CEP192: variants seen among roughly 807,000 people sequenced by gnomAD.
CEP192 encodes the protein centrosomal protein 192, also known as centrosomal protein of 192 kDa.
A neutral mutation model predicts 271.8 loss-of-function variants in CEP192; 151 were observed. That is an observed-to-expected ratio of 0.56 (90% CI 0.49 to 0.64). The LOEUF is 0.64. Among genes scored for constraint, CEP192 ranks in the 30% least tolerant of loss-of-function variants. The pLI is 0.00. For synonymous variants in CEP192, 995 were observed against 1,076.5 expected (o/e 0.92, Z 1.48); for missense variants, 2,910 against 3,020.5 (o/e 0.96, Z 0.86).
Position 13,100,431 on chromosome 18 carries a change from A to G in CEP192, c.6790A>G (p.Met2264Val), listed in dbSNP as rs759379799. The G allele has an allele frequency of 3.4e-5, 55 of 1,614,162 alleles. 1 individual carries two copies. In the South Asian group the frequency reaches 4.7e-4, roughly 14 times the overall value. ...EPSVSHLVKP[M>V]TKPPSTKVEI... ...TTCAGTTAGTCATTTGGTCAAACCA[A>G]TGACAAAACCGCCTTCCACAAAAGT... The change falls in exon 38 of 45, where the codon ATG (methionine) becomes GTG (valine). Residue 2264 changes from methionine (M) to valine (V), a missense_variant. By Grantham distance (21) the Met-to-Val change is conservative. Coordinates refer to ENST00000506447, the MANE Select transcript of CEP192 (RefSeq NM_032142.4).
In CEP192 at chr18:13,057,733, G is replaced by A. The variant is rs532777253; in HGVS notation, c.4257G>A (p.Lys1419=). 6.2e-7 allele frequency: 1 copy of A among 1,612,132 alleles called. No homozygotes were observed. Among genetic ancestry groups the A allele is most frequent in the African/African-American group, 1.3e-5 (1 of 74,912 alleles). The part of the protein sequence containing the change: ...GVLSISVNGE[K]VDLSTYRCLV... ...TCAGCATTAGTGTTAATGGTGAAAAGGTAGCTTTCTATGTCTTTCTCATTT... is the reference window on the plus strand; with the variant it reads ...TCAGCATTAGTGTTAATGGTGAAAAAGTAGCTTTCTATGTCTTTCTCATTT... Residue 1419 remains lysine, a splice_region_variant and synonymous_variant, in exon 20 of 45, where the codon AAG becomes AAA. Coordinates refer to ENST00000506447, the MANE Select transcript of CEP192 (RefSeq NM_032142.4).
rs1437906338 is a variant in CEP192, at chr18:13,049,144, C to T, written c.2353C>T (p.Leu785Phe). 2.5e-5 allele frequency: 40 copies of T among 1,613,532 alleles called. No individual in the cohort carries two copies. Among genetic ancestry groups the T allele is most frequent in the Non-Finnish European group, 3.4e-5 (40 of 1,179,906 alleles). Residue 785 changes from leucine to phenylalanine, a missense_variant, in exon 16 of 45, where the codon CTT (leucine) becomes TTT (phenylalanine). Physicochemically the swap from Leu to Phe is conservative, Grantham distance 22. Transcript: ENST00000506447. ...GSNALDMEKY[L>F]KKTEVSRYES... ...CAATGCACTTGATATGGAGAAATACCTTAAAAAAACAGAAGTTAGTAGATA... is the reference window on the plus strand; with the variant it reads ...CAATGCACTTGATATGGAGAAATACTTTAAAAAAACAGAAGTTAGTAGATA...
intron 10 of CEP192, 26 bp downstream of exon 10, chr18:13,030,028 G>T (rs1368497562): frequency 6.8e-7 from 1 of 1,463,648 alleles, no homozygotes; most frequent in Admixed American, 2.1e-5. Flanking sequence ...AAAAAATAGA[G>T]TGAAAGAAAT....
chr18:13,118,457 T>C (rs554618183), intron 44 of CEP192, among the ~76,000 whole-genome samples: 6 of 152,330 alleles, frequency 3.9e-5, no homozygotes, highest in Admixed American at 1.3e-4. Context: ...GATGGCTCGA[T>C]TGAGGACTGT....
intron 3 of CEP192, among the ~76,000 whole-genome samples, chr18:13,003,812 ACT>A (rs2033810990): frequency 6.6e-6 from 1 of 151,886 alleles, no homozygotes; most frequent in South Asian, 2.1e-4. Flanking sequence ...AAAAAGGCCC[ACT>A]CTCGCGGTTA....
At chr18:13,079,427 A>G (rs2144582353) in intron 30 of CEP192, among the ~76,000 whole-genome samples, 1 of 152,246 alleles carries the variant, frequency 6.6e-6, no homozygotes, top group South Asian at 2.1e-4. Flanking sequence ...TGGCTGCATA[A>G]ATGTCTTCTT....
rs183967341 is a variant in CEP192 at position 12,999,971 on chromosome 18, A to G, written c.164+383A>G. On this transcript the variant is annotated intron_variant, in intron 2 of 44. Coordinates refer to ENST00000506447, the MANE Select transcript of CEP192 (RefSeq NM_032142.4). ...GTTATAGGAGTACCTCTTGACATCA[A>G]GGGGAGGAGTGCAGAGCTTTGCTGC... Among the ~76,000 whole-genome samples the G allele has an allele frequency of 8.6e-4, 130 of 151,884 alleles. 1 individual carries two copies. Among genetic ancestry groups the G allele is most frequent in the African/African-American group, 2.8e-3 (118 of 41,452 alleles).
chr18:13,039,606 T>A (rs2036095368), intron 13 of CEP192, among the ~76,000 whole-genome samples: 1 of 152,144 alleles, frequency 6.6e-6, no homozygotes, highest in African/African-American at 2.4e-5. Flanking sequence ...AGAGCTGCTC[T>A]GAGGAGCAGG....
chr18:13,124,474 C>T (rs2040814465), intron 44 of CEP192, 158 bp from the exon 45 acceptor site: 1 of 591,126 alleles, frequency 1.7e-6, no homozygotes, highest in Non-Finnish European at 2.7e-6. Flanking sequence ...GTTATTTTCT[C>T]ATTAAATAAT....
intron 3 of CEP192, among the ~76,000 whole-genome samples, chr18:13,006,529 A>G (rs917744318): frequency 6.6e-6 from 1 of 152,166 alleles, no homozygotes; most frequent in African/African-American, 2.4e-5. Flanking sequence ...CTACATGGAT[A>G]CTTCTGAAGA....
At chr18:13,092,024 C>T (rs368336274) in intron 33 of CEP192, among the ~76,000 whole-genome samples, 1 of 152,070 alleles carries the variant, frequency 6.6e-6, no homozygotes, top group Non-Finnish European at 1.5e-5. Context: ...TGTTTGTTGC[C>T]GAATATATCT....
intron 21 of CEP192, 102 bp downstream of exon 21, chr18:13,059,414 G>A: frequency 1.2e-6 from 1 of 846,874 alleles, no homozygotes; most frequent in Non-Finnish European, 1.9e-6. Context: ...GGACGAAGGT[G>A]CCACAAAATT....
At position 13,111,165 on chromosome 18, in the gene CEP192, C is replaced by A. The variant is rs993996792; in HGVS notation, c.7048-2421C>A. On this transcript the variant is annotated intron_variant, in intron 40 of 44. Coordinates refer to ENST00000506447, the MANE Select transcript of CEP192 (RefSeq NM_032142.4). ...TTTGAGATGGAGTCTTACTCTGTTG[C>A]CCAGGCTGGAGTGCAGTGGTTCAAT... Among the ~76,000 whole-genome samples the A allele has an allele frequency of 5.3e-5, 8 of 152,252 alleles. No homozygotes were observed. The East Asian group carries it at 1.5e-3, about 29-fold the overall frequency.
At chr18:13,038,145 C>T (rs568832964) in intron 12 of CEP192, among the ~76,000 whole-genome samples, 12 of 152,142 alleles carry the variant, frequency 7.9e-5, no homozygotes, top group African/African-American at 1.4e-4. Context: ...AACTCATGAT[C>T]GTGTGTATTA....
intron 12 of CEP192, 66 bp from the exon 13 acceptor site, chr18:13,038,304 G>T: frequency 1.5e-5 from 19 of 1,247,208 alleles, no homozygotes; most frequent in East Asian, 8.0e-5. Context: ...TTTAGTTTTT[G>T]TATATTAGAA....
At chr18:13,050,821 C>A (rs1051882311) in intron 17 of CEP192, among the ~76,000 whole-genome samples, 1 of 152,102 alleles carries the variant, frequency 6.6e-6, no homozygotes, top group Non-Finnish European at 1.5e-5. Flanking sequence ...CTCAGGTAAT[C>A]CACCTGCCTC....
intron 36 of CEP192, among the ~76,000 whole-genome samples, chr18:13,099,044 G>A (rs1385313007): frequency 6.6e-6 from 1 of 152,102 alleles, no homozygotes; most frequent in African/African-American, 2.4e-5. Flanking sequence ...GTCAGGCGTG[G>A]CAGCGCGCGC....
intron 5 of CEP192, 41 bp from the exon 6 acceptor site, chr18:13,015,287 C>T (rs1303670137): frequency 5.2e-6 from 8 of 1,541,498 alleles, no homozygotes; most frequent in Non-Finnish European, 6.1e-6. Flanking sequence ...TCTTCAGAGC[C>T]CTGAATGTGC....
chr18:13,068,284 A>T (rs2037821272), intron 23 of CEP192, 47 bp downstream of exon 23: 1 of 1,604,384 alleles, frequency 6.2e-7, no homozygotes, highest in Non-Finnish European at 8.5e-7. Context: ...AAGCTTCTAA[A>T]CCTCTTTTCT....
Sources: allele counts gnomAD v4.1 joint callset (sites outside exome capture counted in the v4.1 genomes callset), GRCh38; gene constraint gnomAD v4.1.1; transcripts MANE v1.5; gene names NCBI Gene and HGNC (gene_info 2026-07-23, HGNC 2026-07-21).